MSH5: variants seen among roughly 807,000 people sequenced by gnomAD.
MSH5 encodes the protein mutS protein homolog 5.
MSH5 carries 78 observed loss-of-function variants against 107.7 expected under a neutral mutation model. The observed-to-expected ratio is 0.72, with a 90% CI of 0.60 to 0.87. MSH5 has a LOEUF of 0.87. Among genes scored for constraint, MSH5 ranks in the 40% least tolerant of loss-of-function variants. The pLI, the probability that MSH5 is intolerant of heterozygous loss-of-function variation, is 0.00. For missense variants in MSH5, 889 were observed against 1,046.6 expected, an observed-to-expected ratio of 0.85 and a Z score of 2.08; for synonymous variants, 326 against 399.5, an observed-to-expected ratio of 0.82 and a Z score of 2.19.
intron 10 of MSH5, among the ~76,000 whole-genome samples, chr6:31,751,943 AC>A (rs527835997): frequency 3.3e-5 from 5 of 151,948 alleles, no homozygotes; most frequent in African/African-American, 1.2e-4. Flanking sequence ...TACTAAAAAT[AC>A]AAAATTTAGC....
Position 31,743,911 on chromosome 6 carries a change from G to T in MSH5, c.423G>T (p.Glu141Asp). 1 of 1,613,230 alleles carries T rather than the reference G, an allele frequency of 6.2e-7. No individual in the cohort carries two copies. Among genetic ancestry groups the T allele is most frequent in the South Asian group, 1.1e-5 (1 of 91,074 alleles). Residue 141 changes from glutamate to aspartate, a missense_variant, in exon 6 of 25, where the codon GAG (glutamate) becomes GAT (aspartate). Physicochemically the swap from Glu to Asp is conservative, Grantham distance 45. Transcript: ENST00000375750. ...CTTGCCTCCCTCAAATAGGTCTGGA[G>T]ATAAGCAAACAACGCCTCCTTTCTG... ...IFLPSVDFGL[E>D]ISKQRLLSGN...
chr6:31,744,125 CTG>C, intron 6 of MSH5, 63 bp from the exon 7 acceptor site: 1 of 1,593,352 alleles, frequency 6.3e-7, no homozygotes, highest in Admixed American at 1.8e-5. Flanking sequence ...GTAACTTTCC[CTG>C]GTGCTCTGCA....
Position 31,759,578 on chromosome 6 carries a change from AG to A in MSH5, c.1495+70del. The A allele has an allele frequency of 6.4e-7, 1 of 1,570,960 alleles. No homozygotes were observed. Among genetic ancestry groups the A allele is most frequent in the Non-Finnish European group, 8.7e-7 (1 of 1,147,824 alleles). On this transcript the variant is annotated intron_variant, in intron 17 of 24. Coordinates refer to ENST00000375750, the MANE Select transcript of MSH5 (RefSeq NM_172166.4). This position sits in a 1 kb window ranked among gnomAD's most constrained non-coding sequence, Gnocchi z 4.7. Reference sequence around the variant, plus strand: ...AAAAAAAGCAGCAGCCAGGGGAAGGAGGGGAGTGGGCAACTTGGGGATGCTT... The same window carrying A: ...AAAAAAAGCAGCAGCCAGGGGAAGGAGGGAGTGGGCAACTTGGGGATGCTT...
At chr6:31,744,443 CTT>C (rs1284806558) in intron 7 of MSH5, 101 bp from the exon 8 acceptor site, 1 of 1,552,664 alleles carries the variant, frequency 6.4e-7, no homozygotes, top group African/African-American at 1.4e-5. Flanking sequence ...GCTAATGAGA[CTT>C]TGGGAAGAAG....
chr6:31,747,366 T>C (rs1809552906), intron 9 of MSH5, 21 bp from the exon 10 acceptor site: 3 of 1,612,812 alleles, frequency 1.9e-6, no homozygotes, highest in African/African-American at 2.7e-5. Flanking sequence ...ACAAGTTCAC[T>C]CCCTGCCTTA....
chr6:31,746,864 C>G (rs1809510000), intron 9 of MSH5, among the ~76,000 whole-genome samples: 1 of 152,160 alleles, frequency 6.6e-6, no homozygotes. Context: ...GCTCTGTCAC[C>G]CAGGCTGGAG....
At chr6:31,747,267 A>C (rs1352321527) in intron 9 of MSH5, 120 bp from the exon 10 acceptor site, 1 of 1,062,340 alleles carries the variant, frequency 9.4e-7, no homozygotes, top group Non-Finnish European at 1.4e-6. Context: ...GTGCCCTCCC[A>C]GGCCAGCTTC....
intron 10 of MSH5, among the ~76,000 whole-genome samples, chr6:31,750,822 T>G (rs187070982): frequency 1.3e-5 from 2 of 152,292 alleles, no homozygotes; most frequent in African/African-American, 4.8e-5. Context: ...CAGGACCTAG[T>G]GTGTGCACAT....
rs201310137 is a variant in MSH5 at position 31,744,255 on chromosome 6, C to T, written c.603C>T (p.Asp201=). ...GRRRIGVELE[D]YNVSVPILGF... ...GAAGAATCGGGGTTGAACTGGAAGA[C>T]TATAATGTCAGCGTCCCCATCCTGG... The change falls in exon 7 of 25, where the codon GAC becomes GAT. Residue 201 remains aspartate, a synonymous_variant. Coordinates refer to ENST00000375750, the MANE Select transcript of MSH5 (RefSeq NM_172166.4). 4 of 1,614,168 alleles carry T rather than the reference C, an allele frequency of 2.5e-6. No individual in the cohort carries two copies. The highest frequency in any genetic ancestry group is 3.4e-6 in the Non-Finnish European group (4 of 1,180,026).
In MSH5 at chr6:31,760,837, C is replaced by T. The variant is rs1810926096; in HGVS notation, c.1960C>T (p.Gln654Ter). 4 of 1,612,270 alleles carry T rather than the reference C, an allele frequency of 2.5e-6. No homozygotes were observed. The South Asian group carries it at 3.3e-5, about 13-fold the overall frequency. The stretch of plus-strand genomic sequence containing the variant: ...CTCCACCTTCATGATCGACCTCAAC[C>T]AGGTCAAAGGGAACAAAGGGAGGTG... ...GLSTFMIDLN[Q>*]VAKAVNNATA... is the part of the protein sequence containing the mutation. Residue 654 changes from glutamine to a stop codon, truncating the protein, a stop_gained and splice_region_variant, in exon 20 of 25, where the codon CAG becomes TAG. Coordinates refer to ENST00000375750, the MANE Select transcript of MSH5 (RefSeq NM_172166.4). LOFTEE classifies it high-confidence loss of function. The surrounding 1 kb of genome is among the most constrained non-coding windows in gnomAD (Gnocchi z 5.6).
chr6:31,744,547 A>G lies in MSH5; in HGVS notation c.649A>G (p.Thr217Ala), dbSNP rs1581517780. 19 of 1,613,290 alleles carry G rather than the reference A, an allele frequency of 1.2e-5. No homozygotes were observed. The East Asian group carries it at 4.2e-4, about 36-fold the overall frequency. Residue 217 changes from threonine to alanine, a missense_variant and splice_region_variant, in exon 8 of 25, where the codon ACT (threonine) becomes GCT (alanine). Thr to Ala is a moderately conservative substitution (Grantham distance 58). This residue lies in a region of MSH5 where 518 missense variants were observed against 565.0 expected (regional missense o/e 0.92). Coordinates refer to ENST00000375750, the MANE Select transcript of MSH5 (RefSeq NM_172166.4). The stretch of plus-strand genomic sequence containing the variant: ...TGCTTTTTTGTTTTCTGTCCTCAGG[A>G]CTCATCTGGTGAACATAGATCAAGA... ...PILGFKKFML[T>A]HLVNIDQDTY...
At position 31,758,922 on chromosome 6, in the gene MSH5, G is replaced by A. The variant is rs775968138; in HGVS notation, c.1326+47G>A. ...TAGCCTTCAGATGTCTTTTGGGGGA[G>A]ATATTAGGCTTATGAAAGACATACT... On this transcript the variant is annotated intron_variant, in intron 15 of 24. Transcript: ENST00000375750. This position sits in a 1 kb window ranked among gnomAD's most constrained non-coding sequence, Gnocchi z 5.1. 6.5e-7 allele frequency: 1 copy of A among 1,533,846 alleles called. No homozygotes were observed. Among genetic ancestry groups the A allele is most frequent in the East Asian group, 2.2e-5 (1 of 44,460 alleles).
intron 9 of MSH5, among the ~76,000 whole-genome samples, chr6:31,745,740 T>C (rs1256517740): frequency 6.6e-6 from 1 of 151,974 alleles, no homozygotes; most frequent in Non-Finnish European, 1.5e-5. Flanking sequence ...CCATATAGTT[T>C]CATATCTCAG....
At chr6:31,743,302 T>G in intron 5 of MSH5, 132 bp downstream of exon 5, 1 of 913,420 alleles carries the variant, frequency 1.1e-6, no homozygotes, top group Non-Finnish European at 1.8e-6. Context: ...TCATGCCCTA[T>G]GACCTGTCCC....
Position 31,758,269 on chromosome 6 carries a change from T to C in MSH5, c.1119T>C (p.His373=). The part of the protein sequence containing the change: ...IAQEFSDDLH[H]IASLIGKVVD... ...AAGAGTTCTCTGATGACCTGCACCA[T>C]ATCGCCAGCCTCATTGGGAAAGTAG... Residue 373 remains histidine, a synonymous_variant, in exon 13 of 25, where the codon CAT becomes CAC. Coordinates refer to ENST00000375750, the MANE Select transcript of MSH5 (RefSeq NM_172166.4). This position sits in a 1 kb window ranked among gnomAD's most constrained non-coding sequence, Gnocchi z 5.1. The C allele has an allele frequency of 6.2e-7, 1 of 1,612,942 alleles. No homozygotes were observed. Among genetic ancestry groups the C allele is most frequent in the Non-Finnish European group, 8.5e-7 (1 of 1,180,008 alleles).
intron 2 of MSH5, 54 bp from the exon 3 acceptor site, chr6:31,741,109 C>G: frequency 2.5e-6 from 4 of 1,600,390 alleles, no homozygotes; most frequent in Non-Finnish European, 3.4e-6. Flanking sequence ...ACATGGTAAA[C>G]CCTACACTTA....
chr6:31,760,893 C>T lies in MSH5; in HGVS notation c.1962+54C>T. On this transcript the variant is annotated intron_variant, in intron 20 of 24. Transcript: ENST00000375750. The surrounding 1 kb of genome is among the most constrained non-coding windows in gnomAD (Gnocchi z 5.6). ...GAGGAAGGGGATAATGGGAAAGGAACCCCTGAAAATGCTCATAACAGGAAA... is the reference window on the plus strand; with the variant it reads ...GAGGAAGGGGATAATGGGAAAGGAATCCCTGAAAATGCTCATAACAGGAAA... 1 of 1,570,818 alleles carries T rather than the reference C, an allele frequency of 6.4e-7. No individual in the cohort carries two copies.
In MSH5 at chr6:31,759,355, G is replaced by T. The variant is rs996633079; in HGVS notation, c.1408-70G>T. ...GTCAGAGTTAGGGGCTGGAGGTGGG[G>T]TTAGAAAGATGGGGAAGGAGAGGAG... On this transcript the variant is annotated intron_variant, in intron 16 of 24. Transcript: ENST00000375750. This position sits in a 1 kb window ranked among gnomAD's most constrained non-coding sequence, Gnocchi z 4.7. 6.5e-7 allele frequency: 1 copy of T among 1,534,174 alleles called. No individual in the cohort carries two copies. Among genetic ancestry groups the T allele is most frequent in the African/African-American group, 1.4e-5 (1 of 73,240 alleles).
At position 31,741,374 on chromosome 6, in the gene MSH5, CACACACACAT is replaced by C. The variant is rs762686257; in HGVS notation, c.271+90_271+99del. 2.2e-3 allele frequency: 1,872 copies of C among 851,424 alleles called. 22 individuals are homozygous for C. The highest frequency in any genetic ancestry group is 7.9e-3 in the African/African-American group (322 of 40,736). 52.7% of individuals were successfully genotyped at this position (851,424 alleles called of 1,614,324 possible). ...ACACACACACACACACACACACACA[CACACACACAT>C]ATTTTTTTTTTCTAGACAGAGTCTT... On this transcript the variant is annotated intron_variant, in intron 3 of 24. Coordinates refer to ENST00000375750, the MANE Select transcript of MSH5 (RefSeq NM_172166.4).
Sources: gnomAD v4.1 joint callset for allele counts (sites outside exome capture counted in the v4.1 genomes callset) on GRCh38, gnomAD v4.1.1 for gene constraint, gnomAD v4.1.1 regional missense constraint, Gnocchi (gnomAD v3.1) non-coding constraint, MANE v1.5 for transcripts, NCBI Gene and HGNC (gene_info 2026-07-23, HGNC 2026-07-21) for gene names.